Variants in CSGALNACT1 observed in about 807,000 individuals in gnomAD.
CSGALNACT1 encodes the protein chondroitin sulfate N-acetylgalactosaminyltransferase 1.
A neutral mutation model predicts 51.0 loss-of-function variants in CSGALNACT1; 52 were observed. That is an observed-to-expected ratio of 1.02 (90% CI 0.82 to 1.29). The LOEUF (loss-of-function observed/expected upper bound fraction) is 1.29, where lower values mean the gene tolerates loss of function less well. Ranked by LOEUF, CSGALNACT1 falls within the 50% of genes most tolerant of loss-of-function variation. CSGALNACT1 has a pLI of 0.00. For missense variants in CSGALNACT1, 935 were observed against 679.2 expected, an observed-to-expected ratio of 1.38 and a Z score of -4.19; for synonymous variants, 341 against 254.4, an observed-to-expected ratio of 1.34 and a Z score of -3.24.
In CSGALNACT1 at chr8:19,622,679, C is replaced by G. The variant is rs2053966134; in HGVS notation, c.-543-20814G>C. On this transcript the variant is annotated intron_variant, in intron 1 of 9. Coordinates refer to the CSGALNACT1 transcript ENST00000332246. ...TACTTTAAATTAGCCTTTAGTAAGT[C>G]AAAGATAAATACACACTCTCTAATG... 2.0e-5 allele frequency among the ~76,000 whole-genome samples: 3 copies of G among 151,510 alleles called. No individual in the cohort carries two copies. In the South Asian group the frequency reaches 6.2e-4, roughly 31 times the overall value.
intron 3 of CSGALNACT1, among the ~76,000 whole-genome samples, chr8:19,572,496 G>A (rs2043246276): frequency 6.6e-6 from 1 of 152,148 alleles, no homozygotes; most frequent in Non-Finnish European, 1.5e-5. Context: ...CTATGGCCAA[G>A]GCTTACGTAC....
At chr8:19,601,139 C>G (rs1221694122) in intron 2 of CSGALNACT1, among the ~76,000 whole-genome samples, 1 of 152,084 alleles carries the variant, frequency 6.6e-6, no homozygotes, top group East Asian at 1.9e-4. Flanking sequence ...CATAGAAACT[C>G]AAAATTACTG....
intron 1 of CSGALNACT1, among the ~76,000 whole-genome samples, chr8:19,632,009 G>C (rs1221989158): frequency 6.6e-6 from 1 of 152,160 alleles, no homozygotes. Context: ...GCTATGGCCT[G>C]AATTTTCAAA....
intron 8 of CSGALNACT1, among the ~76,000 whole-genome samples, chr8:19,415,153 C>T (rs969965803): frequency 6.6e-6 from 1 of 152,182 alleles, no homozygotes; most frequent in Non-Finnish European, 1.5e-5. Flanking sequence ...CAATCCTGAA[C>T]AAGCCAGTTC....
chr8:19,474,869 GAAAAAA>G (rs10683237), intron 4 of CSGALNACT1, among the ~76,000 whole-genome samples: 2 of 86,172 alleles, frequency 2.3e-5, no homozygotes, highest in African/African-American at 9.4e-5. Flanking sequence ...CTCTGTCTCA[GAAAAAA>G]AAAAAAAAAA....
At chr8:19,443,910 C>T (rs368516622) in intron 5 of CSGALNACT1, among the ~76,000 whole-genome samples, 1 of 152,122 alleles carries the variant, frequency 6.6e-6, no homozygotes, top group African/African-American at 2.4e-5. Flanking sequence ...CTTATGGTTT[C>T]AGCATGAAAC....
intron 1 of CSGALNACT1, among the ~76,000 whole-genome samples, chr8:19,644,333 C>CT: frequency 6.7e-6 from 1 of 148,912 alleles, no homozygotes; most frequent in South Asian, 2.1e-4. Context: ...TAGTATATTT[C>CT]TTTTTTGTTT....
chr8:19,730,692 T>C (rs1399583262), intron 1 of CSGALNACT1, among the ~76,000 whole-genome samples: 1 of 152,106 alleles, frequency 6.6e-6, no homozygotes, highest in East Asian at 1.9e-4. Context: ...AGTGACGGAG[T>C]TGCCTGGCTC....
intron 1 of CSGALNACT1, among the ~76,000 whole-genome samples, chr8:19,612,132 C>T (rs1463158392): frequency 6.6e-6 from 1 of 152,014 alleles, no homozygotes; most frequent in East Asian, 1.9e-4. Context: ...CACTTGAGGC[C>T]AGGAGCTCGA....
chr8:19,530,311 TACACACAC>T (rs72389712), intron 3 of CSGALNACT1, among the ~76,000 whole-genome samples: 1 of 59,718 alleles, frequency 1.7e-5, no homozygotes, highest in African/African-American at 6.4e-5. Context: ...TGTGTACACA[TACACACAC>T]ACACACACAC....
At chr8:19,612,944 TG>T (rs1438618010) in intron 1 of CSGALNACT1, among the ~76,000 whole-genome samples, 4 of 25,276 alleles carry the variant, frequency 1.6e-4, no homozygotes, top group Admixed American at 5.8e-4. Context: ...GAAAAGCAGC[TG>T]GAAAAAAAAA....
At chr8:19,650,215 T>G (rs1472282403) in intron 1 of CSGALNACT1, among the ~76,000 whole-genome samples, 1 of 152,226 alleles carries the variant, frequency 6.6e-6, no homozygotes, top group African/African-American at 2.4e-5. Context: ...AATAAAAGTA[T>G]AATCTGATCA....
Position 19,757,888 on chromosome 8 carries a change from C to G in CSGALNACT1, c.-335G>C, listed in dbSNP as rs2065490559. The G allele has an allele frequency of 6.6e-6, 1 of 152,432 alleles. No individual in the cohort carries two copies. The highest frequency in any genetic ancestry group is 1.5e-5 in the Non-Finnish European group (1 of 68,322). 9.4% of individuals were successfully genotyped at this position (152,432 alleles called of 1,614,324 possible). ...AACCCCTGTAACTCTCACACCGCACCACTGTGGGTAAGCGATGTCTGCAGG... is the reference window on the plus strand; with the variant it reads ...AACCCCTGTAACTCTCACACCGCACGACTGTGGGTAAGCGATGTCTGCAGG... On this transcript the variant is annotated 5_prime_UTR_variant, in exon 1 of 2. Coordinates refer to the CSGALNACT1 transcript ENST00000517494. The surrounding 1 kb of genome is among the most constrained non-coding windows in gnomAD (Gnocchi z 4.0).
chr8:19,556,977 C>T (rs1455712325), intron 3 of CSGALNACT1, among the ~76,000 whole-genome samples: 1 of 139,312 alleles, frequency 7.2e-6, no homozygotes, highest in African/African-American at 2.8e-5. Context: ...ACTCTCTGCC[C>T]AGCCAAAAAA....
chr8:19,453,611 T>G (rs1220131477), intron 5 of CSGALNACT1, among the ~76,000 whole-genome samples: 1 of 151,988 alleles, frequency 6.6e-6, no homozygotes, highest in Non-Finnish European at 1.5e-5. Context: ...GGAAAATCAG[T>G]TAAAGAACAA....
Position 19,533,503 on chromosome 8 carries a change from AT to A in CSGALNACT1, c.-296-27374del, listed in dbSNP as rs578000632. 6.6e-3 allele frequency among the ~76,000 whole-genome samples: 1,011 copies of A among 152,290 alleles called. 10 individuals are homozygous for A. The highest frequency in any genetic ancestry group is 0.01 in the Middle Eastern group (3 of 294). ...TCCTACTCTTCCAAGACTTATCAAT[AT>A]CAAATGGTTCATGAAGATTTTCTTC... On this transcript the variant is annotated intron_variant, in intron 3 of 9. Coordinates refer to ENST00000454498, the Ensembl canonical transcript of CSGALNACT1.
At chr8:19,454,585 C>T (rs528054459) in intron 5 of CSGALNACT1, among the ~76,000 whole-genome samples, 1 of 152,224 alleles carries the variant, frequency 6.6e-6, no homozygotes, top group Admixed American at 6.5e-5. Context: ...GCAGGAGAAT[C>T]GCTTGAACCT....
intron 1 of CSGALNACT1, among the ~76,000 whole-genome samples, chr8:19,755,477 A>AAAAAAAAAAAAAAAAAAAAAAAAAAAC (rs1563239954): frequency 6.7e-6 from 1 of 149,700 alleles, no homozygotes; most frequent in African/African-American, 2.5e-5. Flanking sequence ...AAAAAAAAAA[A>AAAAAAAAAAAAAAAAAAAAAAAAAAAC]AAAAGACAAC....
chr8:19,612,814 T>G (rs1238874595), intron 1 of CSGALNACT1, among the ~76,000 whole-genome samples: 1 of 152,060 alleles, frequency 6.6e-6, no homozygotes, highest in Admixed American at 6.5e-5. Context: ...TTTCTCTTTT[T>G]AAACGGATAG....
Sources: allele counts gnomAD v4.1 joint callset (sites outside exome capture counted in the v4.1 genomes callset), GRCh38; gene constraint gnomAD v4.1.1; non-coding constraint Gnocchi (gnomAD v3.1); transcripts MANE v1.5; gene names NCBI Gene and HGNC (gene_info 2026-07-23, HGNC 2026-07-21).